The following PRKG1 variants were observed in gnomAD, a reference collection of about 807,000 sequenced individuals.
The protein encoded by PRKG1 is cGMP-dependent protein kinase 1.
In PRKG1, 35 loss-of-function variants were observed where a neutral mutation model predicts 88.1. The ratio of observed to expected loss-of-function variants is 0.40; its 90% CI spans 0.30 to 0.53. The LOEUF is 0.53. Ranked by LOEUF, PRKG1 falls within the 20% of genes least tolerant of loss-of-function variation. The pLI, the probability that PRKG1 is intolerant of heterozygous loss-of-function variation, is 0.59. For missense variants in PRKG1, 540 were observed against 839.8 expected, an observed-to-expected ratio of 0.64 and a Z score of 4.41; for synonymous variants, 303 against 292.5, an observed-to-expected ratio of 1.04 and a Z score of -0.37.
chr10:51,012,828 A>G (rs1163744300), intron 1 of PRKG1, among the ~76,000 whole-genome samples: 1 of 152,266 alleles, frequency 6.6e-6, no homozygotes, highest in Non-Finnish European at 1.5e-5. Context: ...GAGAGGGAAG[A>G]GTCTATTTAA....
At chr10:51,487,304 T>C (rs1339360735) in intron 3 of PRKG1, among the ~76,000 whole-genome samples, 1 of 152,212 alleles carries the variant, frequency 6.6e-6, no homozygotes, top group Non-Finnish European at 1.5e-5. Context: ...GGAGATTATA[T>C]TAATAATTTA....
chr10:51,745,865 A>T (rs534524729), intron 3 of PRKG1, among the ~76,000 whole-genome samples: 2 of 152,074 alleles, frequency 1.3e-5, no homozygotes, highest in African/African-American at 4.8e-5. Context: ...AAAAAAATAC[A>T]CAGGGGTCTC....
intron 3 of PRKG1, among the ~76,000 whole-genome samples, chr10:51,592,924 A>G (rs1013815844): frequency 6.6e-6 from 1 of 152,160 alleles, no homozygotes; most frequent in Non-Finnish European, 1.5e-5. Context: ...TTGAAAGGGG[A>G]GCAGTTCTTT....
chr10:51,190,795 G>A (rs554301209), intron 2 of PRKG1, among the ~76,000 whole-genome samples: 72 of 151,932 alleles, frequency 4.7e-4, no homozygotes, highest in African/African-American at 1.6e-3. Flanking sequence ...TTATTTAAAT[G>A]TTTTGAACCT....
chr10:52,264,349 TACTC>T (rs1030408867), intron 10 of PRKG1, among the ~76,000 whole-genome samples: 5 of 152,136 alleles, frequency 3.3e-5, no homozygotes, highest in African/African-American at 4.8e-5. Flanking sequence ...TAGGATAAGA[TACTC>T]ACAGTCTCTC....
At chr10:51,357,361 C>G (rs1842388282) in intron 2 of PRKG1, among the ~76,000 whole-genome samples, 1 of 151,918 alleles carries the variant, frequency 6.6e-6, no homozygotes, top group Admixed American at 6.6e-5. Context: ...GGGAAAGCAG[C>G]TTCTGTCTTG....
At chr10:51,180,734 C>T (rs1469559609) in intron 2 of PRKG1, among the ~76,000 whole-genome samples, 1 of 152,160 alleles carries the variant, frequency 6.6e-6, no homozygotes, top group Non-Finnish European at 1.5e-5. Context: ...TGGCATCTCT[C>T]ATTAGGGTTC....
At chr10:51,426,540 T>TA (rs1356320673) in intron 2 of PRKG1, among the ~76,000 whole-genome samples, 1 of 152,182 alleles carries the variant, frequency 6.6e-6, no homozygotes, top group East Asian at 1.9e-4. Context: ...GATAGAGAGA[T>TA]ATCACTAAAA....
At chr10:51,511,032 G>A (rs1024410064) in intron 3 of PRKG1, among the ~76,000 whole-genome samples, 4 of 152,018 alleles carry the variant, frequency 2.6e-5, no homozygotes, top group African/African-American at 4.8e-5. Flanking sequence ...GATTACAGGC[G>A]TGAGCCGCTG....
At chr10:51,049,419 T>TATTTGAGTAAAGCTCAA (rs1456615374) in intron 1 of PRKG1, among the ~76,000 whole-genome samples, 17 of 152,158 alleles carry the variant, frequency 1.1e-4, no homozygotes, top group Non-Finnish European at 1.6e-4. Context: ...TAATGCAGAG[T>TATTTGAGTAAAGCTCAA]ATTTGAGTAA....
intron 5 of PRKG1, among the ~76,000 whole-genome samples, chr10:51,996,322 A>G (rs960326438): frequency 6.7e-6 from 1 of 149,380 alleles, no homozygotes; most frequent in Non-Finnish European, 1.5e-5. Flanking sequence ...CTCAAAAAAA[A>G]AAAAAAAAAA....
chr10:51,537,727 C>CA (rs33928221), intron 3 of PRKG1, among the ~76,000 whole-genome samples: 57,104 of 107,520 alleles, frequency 0.53, 15,348 homozygotes, highest in Non-Finnish European at 0.58. Flanking sequence ...GAGTCTGTCT[C>CA]AAAAAAAAAA....
At chr10:51,694,107 G>C (rs1287442086) in intron 3 of PRKG1, among the ~76,000 whole-genome samples, 2 of 152,088 alleles carry the variant, frequency 1.3e-5, no homozygotes, top group Non-Finnish European at 2.9e-5. Context: ...CTTCAACCAG[G>C]AAAGTCCGTC....
At chr10:51,903,829 G>A (rs1199431127) in intron 4 of PRKG1, among the ~76,000 whole-genome samples, 1 of 152,062 alleles carries the variant, frequency 6.6e-6, no homozygotes, top group Non-Finnish European at 1.5e-5. Flanking sequence ...ATTTACAGGG[G>A]ATGTTTCATC....
intron 1 of PRKG1, among the ~76,000 whole-genome samples, chr10:51,093,116 T>C (rs910685102): frequency 6.6e-6 from 1 of 152,144 alleles, no homozygotes; most frequent in Non-Finnish European, 1.5e-5. Flanking sequence ...CTAAAAGATA[T>C]AGAGACCCTG....
intron 3 of PRKG1, among the ~76,000 whole-genome samples, chr10:51,728,742 A>G (rs1842201731): frequency 6.6e-6 from 1 of 152,090 alleles, no homozygotes; most frequent in Non-Finnish European, 1.5e-5. Flanking sequence ...GAGAAAGGAA[A>G]CTTCCAGGAG....
At chr10:51,313,719 C>T (rs1016829386) in intron 2 of PRKG1, among the ~76,000 whole-genome samples, 1 of 152,138 alleles carries the variant, frequency 6.6e-6, no homozygotes, top group Non-Finnish European at 1.5e-5. Context: ...TTTGCAGATG[C>T]TCAATTCTCT....
At position 52,249,900 on chromosome 10, in the gene PRKG1, A is replaced by G. The variant is rs554981744; in HGVS notation, c.1077-1670A>G. Among the ~76,000 whole-genome samples the G allele has an allele frequency of 3.9e-5, 6 of 152,286 alleles. No individual in the cohort carries two copies. In the South Asian group the frequency reaches 1.2e-3, roughly 32 times the overall value. ...ACCCTGTTTGCACCTGAGATTTCTAAATCCAACAAACACGTGGATTATTAT... is the reference window on the plus strand; with the variant it reads ...ACCCTGTTTGCACCTGAGATTTCTAGATCCAACAAACACGTGGATTATTAT... On this transcript the variant is annotated intron_variant, in intron 9 of 17. Transcript: ENST00000373980.
At chr10:51,887,664 A>T (rs1841607024) in intron 4 of PRKG1, among the ~76,000 whole-genome samples, 1 of 152,104 alleles carries the variant, frequency 6.6e-6, no homozygotes, top group South Asian at 2.1e-4. Flanking sequence ...TTTGGATTTA[A>T]TTTTTCCAAT....
Sources: allele counts gnomAD v4.1 joint callset (sites outside exome capture counted in the v4.1 genomes callset), GRCh38; gene constraint gnomAD v4.1.1; transcripts MANE v1.5; gene names NCBI Gene and HGNC (gene_info 2026-07-23, HGNC 2026-07-21).